FAF1: variants seen among roughly 807,000 people sequenced by gnomAD.
FAF1 encodes the protein Fas associated factor 1.
Under a neutral mutation model 92.5 loss-of-function variants are expected in FAF1, and 25 were observed. The ratio of observed to expected loss-of-function variants is 0.27; its 90% CI spans 0.20 to 0.38. FAF1 has a LOEUF of 0.38. Among genes scored for constraint, FAF1 ranks in the 10% least tolerant of loss-of-function variants. The pLI is 1.00. For missense variants in FAF1, 636 were observed against 793.3 expected (o/e 0.80, Z 2.38); for synonymous variants, 234 against 273.2 (o/e 0.86, Z 1.42).
intron 1 of FAF1, among the ~76,000 whole-genome samples, chr1:50,898,423 G>A (rs1446398661): frequency 2.0e-5 from 3 of 152,224 alleles, no homozygotes; most frequent in South Asian, 2.1e-4. Context: ...AAATATTTAC[G>A]TATATTTGAG....
intron 8 of FAF1, among the ~76,000 whole-genome samples, chr1:50,610,043 G>T (rs1363185805): frequency 6.6e-6 from 1 of 152,090 alleles, no homozygotes; most frequent in East Asian, 1.9e-4. Context: ...ATAAATTAAA[G>T]TATACTTTTA....
chr1:50,684,184 G>A (rs1258771568), intron 7 of FAF1, among the ~76,000 whole-genome samples: 1 of 150,452 alleles, frequency 6.6e-6, no homozygotes, highest in Non-Finnish European at 1.5e-5. Context: ...TTAACAAGGT[G>A]ATAATAGACA....
intron 3 of FAF1, among the ~76,000 whole-genome samples, chr1:50,791,250 G>T (rs1467359631): frequency 6.6e-6 from 1 of 152,192 alleles, no homozygotes; most frequent in Admixed American, 6.5e-5. Flanking sequence ...GAATCTGTGC[G>T]ATGACATTTC....
At position 50,439,481 on chromosome 1, in the gene FAF1, A is replaced by G. The variant is rs1036517393; in HGVS notation, c.*1959T>C. On this transcript the variant is annotated 3_prime_UTR_variant, in exon 19 of 19. Coordinates refer to ENST00000396153, the MANE Select transcript of FAF1 (RefSeq NM_007051.3). ...TAATAACTTCCATGAAATTGGCTTT[A>G]GAGTAAAGTCTATATTGTTGTAATA... 5 of 151,580 alleles carry G rather than the reference A, an allele frequency of 3.3e-5. No homozygotes were observed. The highest frequency in any genetic ancestry group is 7.3e-5 in the Non-Finnish European group (5 of 68,036). The allele number at this position is 151,580 out of a possible 1,614,324, so 9.4% of individuals were successfully genotyped here. A position where few individuals can be genotyped will look rare whatever the true frequency, so the allele number is the denominator to read the frequency against.
chr1:50,670,725 A>T (rs1171484035), intron 7 of FAF1, among the ~76,000 whole-genome samples: 1 of 152,034 alleles, frequency 6.6e-6, no homozygotes, highest in South Asian at 2.1e-4. Flanking sequence ...TGAGTTTAGG[A>T]GTTCCAGACC....
intron 1 of FAF1, among the ~76,000 whole-genome samples, chr1:50,950,019 T>C (rs1645202146): frequency 6.6e-6 from 1 of 152,180 alleles, no homozygotes. Context: ...TTTATTTTTT[T>C]TTGTAGAGAC....
rs113206168 is a variant in FAF1 at position 50,896,309 on chromosome 1, T to C, written c.46-38312A>G. ...AAAAAAAAAGAGTATATGGATTGTT[T>C]GTAACACAAAGGATAAATGCTTGAA... On this transcript the variant is annotated intron_variant, in intron 1 of 18. Coordinates refer to ENST00000396153, the MANE Select transcript of FAF1 (RefSeq NM_007051.3). 2.3e-3 allele frequency among the ~76,000 whole-genome samples: 344 copies of C among 152,254 alleles called. 3 individuals are homozygous for C. The highest frequency in any genetic ancestry group is 0.014 in the South Asian group (69 of 4,822).
chr1:50,468,144 G>C (rs1646522246), intron 18 of FAF1, among the ~76,000 whole-genome samples: 1 of 151,994 alleles, frequency 6.6e-6, no homozygotes, highest in Admixed American at 6.5e-5. Context: ...AGGAGGCTGG[G>C]GCTGCAGTGA....
chr1:50,670,566 A>G (rs1215811922), intron 7 of FAF1, among the ~76,000 whole-genome samples: 2 of 152,238 alleles, frequency 1.3e-5, no homozygotes, highest in Non-Finnish European at 2.9e-5. Context: ...CTATAAAGGT[A>G]GAAATACTGC....
intron 4 of FAF1, among the ~76,000 whole-genome samples, chr1:50,767,561 G>A (rs1216074413): frequency 5.3e-5 from 8 of 152,150 alleles, no homozygotes; most frequent in Non-Finnish European, 2.9e-5. Flanking sequence ...GACAGCTGGA[G>A]AAAAGGGACA....
At chr1:50,860,228 CT>C (rs1644421339) in intron 1 of FAF1, among the ~76,000 whole-genome samples, 1 of 151,720 alleles carries the variant, frequency 6.6e-6, no homozygotes, top group Non-Finnish European at 1.5e-5. Flanking sequence ...TCAAAATCAA[CT>C]GCAACCAAAA....
chr1:50,539,019 C>T (rs895535482), intron 14 of FAF1, among the ~76,000 whole-genome samples: 2 of 152,132 alleles, frequency 1.3e-5, no homozygotes, highest in South Asian at 2.1e-4. Context: ...TTACACCAAC[C>T]CTTGGAGTGC....
At position 50,912,055 on chromosome 1, in the gene FAF1, A is replaced by G. The variant is rs141799745; in HGVS notation, c.45+47712T>C. 3.6e-4 allele frequency among the ~76,000 whole-genome samples: 55 copies of G among 151,888 alleles called. No individual in the cohort carries two copies. The East Asian group carries it at 9.3e-3, about 26-fold the overall frequency. Reference sequence around the variant, plus strand: ...CTATCTCAAAAAAAAAAAAAGGCAGAGTATTTAGAGGACCTGACGCACAAC... The same window carrying G: ...CTATCTCAAAAAAAAAAAAAGGCAGGGTATTTAGAGGACCTGACGCACAAC... On this transcript the variant is annotated intron_variant, in intron 1 of 18. Transcript: ENST00000396153.
At chr1:50,915,332 T>C (rs1217200411) in intron 1 of FAF1, among the ~76,000 whole-genome samples, 2 of 148,084 alleles carry the variant, frequency 1.4e-5, no homozygotes, top group Non-Finnish European at 3.0e-5. Context: ...ATCACGCCAT[T>C]GCACTCCAGC....
In FAF1 at chr1:50,922,458, CAAAAAA is replaced by C. The variant is rs33971185; in HGVS notation, c.45+37303_45+37308del. On this transcript the variant is annotated intron_variant, in intron 1 of 18. Coordinates refer to ENST00000396153, the MANE Select transcript of FAF1 (RefSeq NM_007051.3). ...TGGGTGACAGAGTAAGACTCTGCCT[CAAAAAA>C]AAAAAAAAAAAAAAAAAAGAAAAGA... is the stretch of plus-strand genomic sequence containing the variant. 1.5e-3 allele frequency among the ~76,000 whole-genome samples: 56 copies of C among 37,274 alleles called. 1 individual carries two copies. In the South Asian group the frequency reaches 0.038, roughly 26 times the overall value. The allele number at this position is 37,274 out of a possible 152,430, so 24.5% of individuals were successfully genotyped here. A position where few individuals can be genotyped will look rare whatever the true frequency, so the allele number is the denominator to read the frequency against.
chr1:50,529,606 AAG>A (rs1157301016), intron 15 of FAF1, among the ~76,000 whole-genome samples: 1 of 152,196 alleles, frequency 6.6e-6, no homozygotes, highest in Non-Finnish European at 1.5e-5. Flanking sequence ...CCCCAGAAGA[AAG>A]AACCCAGCAT....
intron 2 of FAF1, among the ~76,000 whole-genome samples, chr1:50,819,695 A>ACG (rs1264668698): frequency 1.7e-5 from 1 of 59,264 alleles, no homozygotes; most frequent in African/African-American, 5.9e-5. Context: ...ATATATACAT[A>ACG]TATATATACA....
intron 7 of FAF1, among the ~76,000 whole-genome samples, chr1:50,696,061 T>C (rs190600615): frequency 4.1e-4 from 62 of 151,736 alleles, no homozygotes; most frequent in African/African-American, 1.5e-3. Flanking sequence ...ATTCAAATTA[T>C]ATAAGTCAAA....
At chr1:50,826,951 C>T (rs986871118) in intron 2 of FAF1, among the ~76,000 whole-genome samples, 6 of 151,600 alleles carry the variant, frequency 4.0e-5, no homozygotes, top group East Asian at 3.9e-4. Flanking sequence ...CCGGCCGCCC[C>T]GTCTGGGAGG....
Sources: gnomAD v4.1 joint callset for allele counts (sites outside exome capture counted in the v4.1 genomes callset) on GRCh38, gnomAD v4.1.1 for gene constraint, MANE v1.5 for transcripts, NCBI Gene and HGNC (gene_info 2026-07-23, HGNC 2026-07-21) for gene names.